CFAP161: variants seen among roughly 807,000 people sequenced by gnomAD.
The protein encoded by CFAP161 is cilia- and flagella-associated protein 161.
In CFAP161, 25 loss-of-function variants were observed where a neutral mutation model predicts 29.0. The ratio of observed to expected loss-of-function variants is 0.86; its 90% CI spans 0.63 to 1.20. CFAP161 has a LOEUF of 1.20. Among genes scored for constraint, CFAP161 ranks in the 50% most tolerant of loss-of-function variants. The pLI is 0.00. For synonymous variants in CFAP161, 116 were observed against 137.4 expected, an observed-to-expected ratio of 0.84 and a Z score of 1.09; for missense variants, 367 against 371.9, an observed-to-expected ratio of 0.99 and a Z score of 0.11.
Position 81,146,921 on chromosome 15 carries a change from A to G in CFAP161, c.637-937A>G, listed in dbSNP as rs1190863452. On this transcript the variant is annotated intron_variant, in intron 5 of 6. Transcript: ENST00000286732. Reference sequence around the variant, plus strand: ...ATACATCCCTCACAATTTGCCCACAAGGAAATTCCTTGTGGGAAGATCTTT... The same window carrying G: ...ATACATCCCTCACAATTTGCCCACAGGGAAATTCCTTGTGGGAAGATCTTT... Among the ~76,000 whole-genome samples the G allele has an allele frequency of 4.4e-5, 6 of 135,324 alleles. No individual in the cohort carries two copies. The South Asian group carries it at 7.0e-4, about 16-fold the overall frequency. The allele number at this position is 135,324 out of a possible 152,430, so 88.8% of individuals were successfully genotyped here. A position where few individuals can be genotyped will look rare whatever the true frequency, so the allele number is the denominator to read the frequency against.
At chr15:81,136,198 G>T (rs1453169423) in intron 2 of CFAP161, among the ~76,000 whole-genome samples, 2 of 152,172 alleles carry the variant, frequency 1.3e-5, no homozygotes, top group Admixed American at 6.5e-5. Flanking sequence ...TACAAATAAA[G>T]AAATAAATGA....
intron 1 of CFAP161, among the ~76,000 whole-genome samples, chr15:81,120,681 C>T (rs1045743650): frequency 6.6e-6 from 1 of 152,186 alleles, no homozygotes; most frequent in Non-Finnish European, 1.5e-5. Context: ...AAAAGATACA[C>T]CTTTTCAAGG....
Position 81,136,628 on chromosome 15 carries a change from GCCTGTGTATGACT to G in CFAP161, c.275_287del (p.Leu92GlnfsTer8), listed in dbSNP as rs749796122. ...GATGTGTTTCTGCGTGGGGACCTGA[GCCTGTGTATGACT>G]CCAGATGAAATTCAGTCCCATCTGA... On this transcript the variant is annotated frameshift_variant, in exon 3 of 7. Coordinates refer to ENST00000286732, the MANE Select transcript of CFAP161 (RefSeq NM_173528.4). LOFTEE classifies it high-confidence loss of function. 6.2e-7 allele frequency: 1 copy of G among 1,614,182 alleles called. No individual in the cohort carries two copies. The highest frequency in any genetic ancestry group is 8.5e-7 in the Non-Finnish European group (1 of 1,180,038).
chr15:81,135,104 A>G (rs1007300413), intron 1 of CFAP161, among the ~76,000 whole-genome samples, 166 bp from the exon 2 acceptor site: 2 of 152,198 alleles, frequency 1.3e-5, no homozygotes, highest in Admixed American at 1.3e-4. Context: ...TAATGTAGTA[A>G]AAATATTAAA....
intron 1 of CFAP161, among the ~76,000 whole-genome samples, chr15:81,105,887 C>T (rs1894366933): frequency 2.0e-5 from 3 of 152,190 alleles, no homozygotes; most frequent in Admixed American, 2.0e-4. Flanking sequence ...AGAAACTGAA[C>T]AATTCACTGA....
intron 1 of CFAP161, among the ~76,000 whole-genome samples, chr15:81,102,227 C>T (rs1595906854): frequency 2.0e-5 from 3 of 152,274 alleles, no homozygotes; most frequent in Admixed American, 2.0e-4. Flanking sequence ...ATCTAGGTCC[C>T]TGAGCTGCTG....
At position 81,139,627 on chromosome 15, in the gene CFAP161, T is replaced by C. The variant is rs188348445; in HGVS notation, c.477+1492T>C. Among the ~76,000 whole-genome samples the C allele has an allele frequency of 4.2e-3, 635 of 152,326 alleles. 1 individual carries two copies. Among genetic ancestry groups the C allele is most frequent in the Non-Finnish European group, 7.4e-3 (503 of 68,010 alleles). Reference sequence around the variant, plus strand: ...GTATCATAATTTACCTAGTCTTTCTTCTACTTTTGGGCAGTTGGGTTTGGT... The same window carrying C: ...GTATCATAATTTACCTAGTCTTTCTCCTACTTTTGGGCAGTTGGGTTTGGT... On this transcript the variant is annotated intron_variant, in intron 4 of 6. Coordinates refer to ENST00000286732, the MANE Select transcript of CFAP161 (RefSeq NM_173528.4).
intron 4 of CFAP161, among the ~76,000 whole-genome samples, chr15:81,141,843 C>G (rs1209196616): frequency 2.0e-5 from 3 of 152,034 alleles, no homozygotes; most frequent in African/African-American, 7.2e-5. Context: ...TGCCACCACA[C>G]CTGGCTAAGT....
intron 1 of CFAP161, 22 bp downstream of exon 1, chr15:81,134,420 G>T: frequency 6.4e-7 from 1 of 1,567,660 alleles, no homozygotes; most frequent in East Asian, 2.3e-5. Flanking sequence ...GTGGCCAGGC[G>T]CAGACCCGCA....
chr15:81,121,109 T>G (rs10163025), intron 1 of CFAP161, among the ~76,000 whole-genome samples: 14,405 of 152,242 alleles, frequency 0.095, 809 homozygotes, highest in East Asian at 0.18. Context: ...TATAGCCAAT[T>G]TGATCACACA....
intron 6 of CFAP161, among the ~76,000 whole-genome samples, 173 bp from the exon 7 acceptor site, chr15:81,148,165 T>C (rs1007997984): frequency 2.6e-5 from 4 of 152,226 alleles, no homozygotes; most frequent in African/African-American, 9.7e-5. Context: ...ACTGGCCTAA[T>C]CTTTGCCCAA....
intron 2 of CFAP161, 147 bp downstream of exon 2, chr15:81,135,506 C>A: frequency 2.6e-6 from 1 of 388,408 alleles, no homozygotes; most frequent in Non-Finnish European, 4.8e-6. Context: ...CTAATGCTAT[C>A]CCTCTCCCCT....
chr15:81,103,844 C>T (rs994918648), intron 1 of CFAP161, among the ~76,000 whole-genome samples: 3 of 152,138 alleles, frequency 2.0e-5, no homozygotes, highest in African/African-American at 7.2e-5. Flanking sequence ...TGGGTTCTGA[C>T]ACTATCTCCG....
chr15:81,116,350 G>A (rs190671029), intron 1 of CFAP161, among the ~76,000 whole-genome samples: 2 of 152,354 alleles, frequency 1.3e-5, no homozygotes, highest in African/African-American at 2.4e-5. Flanking sequence ...CTGGAGTGCA[G>A]TGGCACAATC....
intron 3 of CFAP161, 73 bp downstream of exon 3, chr15:81,136,821 A>G: frequency 7.7e-7 from 1 of 1,302,638 alleles, no homozygotes; most frequent in South Asian, 1.3e-5. Flanking sequence ...ATTCCTGGGT[A>G]TTGGAGCCAC....
chr15:81,124,655 G>A (rs991623061), intron 1 of CFAP161, among the ~76,000 whole-genome samples: 3 of 151,874 alleles, frequency 2.0e-5, no homozygotes, highest in African/African-American at 7.3e-5. Context: ...GCTTTTTTTG[G>A]TTCAAAGGCT....
At chr15:81,141,573 G>T (rs1212700683) in intron 4 of CFAP161, among the ~76,000 whole-genome samples, 1 of 151,970 alleles carries the variant, frequency 6.6e-6, no homozygotes, top group Non-Finnish European at 1.5e-5. Context: ...AACCCTTCTG[G>T]GGCATTCATA....
intron 1 of CFAP161, among the ~76,000 whole-genome samples, chr15:81,123,255 A>G (rs1055611266): frequency 1.3e-5 from 2 of 152,204 alleles, no homozygotes; most frequent in African/African-American, 2.4e-5. Flanking sequence ...TCTTCCGCAT[A>G]TGGCTAGCTA....
At chr15:81,132,515 G>C (rs549314261), upstream of CFAP161, among the ~76,000 whole-genome samples, 1 of 152,216 alleles carries the variant, frequency 6.6e-6, no homozygotes, top group East Asian at 1.9e-4. Context: ...AAATACCATA[G>C]AGCACCAATA....
Sources: allele counts gnomAD v4.1 joint callset (sites outside exome capture counted in the v4.1 genomes callset), GRCh38; gene constraint gnomAD v4.1.1; transcripts MANE v1.5; gene names NCBI Gene and HGNC (gene_info 2026-07-23, HGNC 2026-07-21).